SMPD3: variants seen among roughly 807,000 people sequenced by gnomAD.
SMPD3 encodes the protein sphingomyelin phosphodiesterase 3.
A neutral mutation model predicts 55.7 loss-of-function variants in SMPD3; 21 were observed. That is an observed-to-expected ratio of 0.38 (90% CI 0.27 to 0.54). The LOEUF (loss-of-function observed/expected upper bound fraction) is 0.54. Ranked by LOEUF, SMPD3 falls within the 20% of genes least tolerant of loss-of-function variation. SMPD3 has a pLI of 0.80. For missense variants in SMPD3, 842 were observed against 899.6 expected (o/e 0.94, Z 0.82); for synonymous variants, 457 against 404.3 (o/e 1.13, Z -1.56).
chr16:68,391,825 G>T (rs932668977), intron 1 of SMPD3, among the ~76,000 whole-genome samples: 60 of 152,248 alleles, frequency 3.9e-4, no homozygotes, highest in African/African-American at 1.4e-3. Context: ...TGCATTTGCA[G>T]ATGGAGGCTC....
chr16:68,413,554 T>G (rs2090317922), intron 1 of SMPD3, among the ~76,000 whole-genome samples: 1 of 152,192 alleles, frequency 6.6e-6, no homozygotes, highest in Non-Finnish European at 1.5e-5. Flanking sequence ...TTCAAAATAG[T>G]GGAAAATCAT....
chr16:68,405,923 G>T (rs2090251377), intron 1 of SMPD3, among the ~76,000 whole-genome samples: 2 of 152,206 alleles, frequency 1.3e-5, no homozygotes, highest in Non-Finnish European at 2.9e-5. Flanking sequence ...CTTAGTACCA[G>T]CTAACACAGG....
chr16:68,381,250 A>G (rs546377434), intron 2 of SMPD3, among the ~76,000 whole-genome samples: 10 of 152,198 alleles, frequency 6.6e-5, no homozygotes, highest in Non-Finnish European at 1.3e-4. Flanking sequence ...ACATGGCACC[A>G]TGAAAGACCA....
chr16:68,418,414 A>C (rs1010200290), intron 1 of SMPD3, among the ~76,000 whole-genome samples: 20 of 152,212 alleles, frequency 1.3e-4, no homozygotes, highest in Non-Finnish European at 2.6e-4. Flanking sequence ...TGAGTAATTT[A>C]ACCAAGACGA....
At position 68,447,365 on chromosome 16, in the gene SMPD3, A is replaced by T. The variant is rs183745584; in HGVS notation, c.-269+988T>A. Among the ~76,000 whole-genome samples, 2 of 152,070 alleles carry T rather than the reference A, an allele frequency of 1.3e-5. No individual in the cohort carries two copies. The highest frequency in any genetic ancestry group is 2.9e-5 in the Non-Finnish European group (2 of 67,984). ...AGACCCGCCCCGTCCCGCTCTGTAC[A>T]TGCCCATCTGGGATTGGCCCCCAGC... On this transcript the variant is annotated intron_variant, in intron 1 of 8. Coordinates refer to ENST00000219334, the MANE Select transcript of SMPD3 (RefSeq NM_018667.4). The surrounding 1 kb of genome is among the most constrained non-coding windows in gnomAD (Gnocchi z 5.1).
chr16:68,398,857 C>T (rs530084855), intron 1 of SMPD3, among the ~76,000 whole-genome samples: 29 of 152,304 alleles, frequency 1.9e-4, no homozygotes, highest in Admixed American at 1.7e-3. Flanking sequence ...ACCCATCAGG[C>T]GGGATCTGTG....
At position 68,400,255 on chromosome 16, in the gene SMPD3, A is replaced by G. The variant is rs80331827; in HGVS notation, c.-268-13596T>C. On this transcript the variant is annotated intron_variant, in intron 1 of 8. Coordinates refer to ENST00000219334, the MANE Select transcript of SMPD3 (RefSeq NM_018667.4). Reference sequence around the variant, plus strand: ...TGGGTAAGGGTTAAGGGCTTTGTGGAGGTGCTGGAAGCTGTGAGGTTTCTT... The same window carrying G: ...TGGGTAAGGGTTAAGGGCTTTGTGGGGGTGCTGGAAGCTGTGAGGTTTCTT... Among the ~76,000 whole-genome samples the G allele has an allele frequency of 2.8e-3, 426 of 152,290 alleles. 2 individuals are homozygous for G. The highest frequency in any genetic ancestry group is 4.8e-3 in the Non-Finnish European group (328 of 68,020).
At chr16:68,373,999 C>T (rs1273349793) in intron 2 of SMPD3, among the ~76,000 whole-genome samples, 1 of 152,226 alleles carries the variant, frequency 6.6e-6, no homozygotes, top group Non-Finnish European at 1.5e-5. Flanking sequence ...GTGTCTCCAC[C>T]GGTGGCTCTC....
intron 1 of SMPD3, among the ~76,000 whole-genome samples, chr16:68,405,167 G>C (rs1750): frequency 6.6e-6 from 1 of 151,912 alleles, no homozygotes; most frequent in Non-Finnish European, 1.5e-5. Flanking sequence ...TCACAGCCTC[G>C]GGACTCATGG....
intron 1 of SMPD3, among the ~76,000 whole-genome samples, chr16:68,416,690 G>A (rs1484435781): frequency 3.9e-5 from 6 of 152,238 alleles, no homozygotes; most frequent in Admixed American, 3.9e-4. Flanking sequence ...ATGTAGGTAG[G>A]TGTGCCTTAG....
At chr16:68,361,493 G>C in intron 8 of SMPD3, 110 bp downstream of exon 8, 2 of 1,488,674 alleles carry the variant, frequency 1.3e-6, no homozygotes, top group Non-Finnish European at 1.8e-6. Context: ...GGGTATCATT[G>C]TAAGAGTGGC....
rs376180948 is a variant in SMPD3, at chr16:68,361,565, C to G, written c.1866+38G>C. 6 of 1,600,702 alleles carry G rather than the reference C, an allele frequency of 3.7e-6. No homozygotes were observed. The African/African-American group carries it at 8.0e-5, about 21-fold the overall frequency. On this transcript the variant is annotated intron_variant, in intron 8 of 8. Transcript: ENST00000219334. ...CTGCAGGGCCCGGGCCCTGCTCTCT[C>G]TTTGCATGGCCCTGGCTGCTGGGCC...
At position 68,359,273 on chromosome 16, in the gene SMPD3, G is replaced by T. The variant is rs1044614182; in HGVS notation, c.*1933C>A. 6.6e-6 allele frequency: 1 copy of T among 152,530 alleles called. No homozygotes were observed. Among genetic ancestry groups the T allele is most frequent in the Non-Finnish European group, 1.5e-5 (1 of 68,228 alleles). The allele number at this position is 152,530 out of a possible 1,614,324, so 9.4% of individuals were successfully genotyped here. A position where few individuals can be genotyped will look rare whatever the true frequency, so the allele number is the denominator to read the frequency against. On this transcript the variant is annotated 3_prime_UTR_variant, in exon 9 of 9. Coordinates refer to ENST00000219334, the MANE Select transcript of SMPD3 (RefSeq NM_018667.4). The stretch of plus-strand genomic sequence containing the variant: ...TACCAGCTGCTTCTGGAAGTTGGGG[G>T]CCTCCACATCATGAATCCCAGTCAA...
At chr16:68,419,191 G>A (rs2090365410) in intron 1 of SMPD3, among the ~76,000 whole-genome samples, 1 of 152,208 alleles carries the variant, frequency 6.6e-6, no homozygotes, top group South Asian at 2.1e-4. Flanking sequence ...GGTTTAGGAG[G>A]GTCGGGGGGT....
At chr16:68,435,829 G>T (rs953117759) in intron 1 of SMPD3, among the ~76,000 whole-genome samples, 4 of 152,258 alleles carry the variant, frequency 2.6e-5, no homozygotes, top group Non-Finnish European at 5.9e-5. Flanking sequence ...GCACTGGTCA[G>T]TGCTATGGCA....
chr16:68,409,347 C>G (rs1204908927), intron 1 of SMPD3, among the ~76,000 whole-genome samples: 1 of 152,172 alleles, frequency 6.6e-6, no homozygotes, highest in Middle Eastern at 3.2e-3. Flanking sequence ...CACCTGTGGT[C>G]ATGGCAGAGC....
intron 3 of SMPD3, chr16:68,368,696 G>GA (rs1348437350): frequency 1.3e-5 from 2 of 152,766 alleles, no homozygotes; most frequent in African/African-American, 4.8e-5. Flanking sequence ...GGGCTGGGGG[G>GA]AGAGGTCTGG....
intron 1 of SMPD3, among the ~76,000 whole-genome samples, chr16:68,401,529 T>C (rs1204279555): frequency 3.9e-5 from 6 of 151,924 alleles, no homozygotes; most frequent in African/African-American, 1.5e-4. Flanking sequence ...GGCCCTGTCT[T>C]TGGAGCATGC....
At chr16:68,364,442 A>G (rs1049285958) in intron 5 of SMPD3, 10 of 322,508 alleles carry the variant, frequency 3.1e-5, no homozygotes, top group Admixed American at 1.8e-4. Flanking sequence ...GGCTCGAAGC[A>G]AGAGCGCGGC....
Sources: gnomAD v4.1 joint callset for allele counts (sites outside exome capture counted in the v4.1 genomes callset) on GRCh38, gnomAD v4.1.1 for gene constraint, Gnocchi (gnomAD v3.1) non-coding constraint, MANE v1.5 for transcripts, NCBI Gene and HGNC (gene_info 2026-07-23, HGNC 2026-07-21) for gene names.